GALM: variants seen among roughly 807,000 people sequenced by gnomAD.
The protein encoded by GALM is aldose 1-epimerase.
A neutral mutation model predicts 37.4 loss-of-function variants in GALM; 43 were observed. That is an observed-to-expected ratio of 1.15 (90% confidence interval 0.90 to 1.48). GALM has a LOEUF of 1.48. Ranked by LOEUF, GALM falls within the 40% of genes most tolerant of loss-of-function variation. GALM has a pLI of 0.00. For missense variants in GALM, 456 were observed against 419.1 expected (o/e 1.09, Z -0.77); for synonymous variants, 199 against 170.6 (o/e 1.17, Z -1.30).
chr2:38,673,075 C>T (rs1665153025), intron 1 of GALM, among the ~76,000 whole-genome samples: 1 of 152,140 alleles, frequency 6.6e-6, no homozygotes, highest in African/African-American at 2.4e-5. Flanking sequence ...CTCTGATGCA[C>T]CTGCAGATTA....
intron 4 of GALM, among the ~76,000 whole-genome samples, chr2:38,722,563 G>A (rs1274458131): frequency 1.3e-5 from 2 of 152,144 alleles, no homozygotes; most frequent in Non-Finnish European, 2.9e-5. Context: ...TCTCCCTGCC[G>A]ACACCCCTGG....
intron 5 of GALM, 129 bp downstream of exon 5, chr2:38,729,826 A>C: frequency 1.4e-6 from 1 of 721,100 alleles, no homozygotes; most frequent in Non-Finnish European, 2.3e-6. Context: ...ACCACATCCC[A>C]TATTTTCTCA....
chr2:38,726,417 G>A (rs111394336), intron 4 of GALM, among the ~76,000 whole-genome samples: 6,815 of 151,032 alleles, frequency 0.045, 510 homozygotes, highest in African/African-American at 0.15. Context: ...TAGTAGAGAC[G>A]GGTTTTCACC....
At chr2:38,726,882 G>A (rs979697441) in intron 4 of GALM, among the ~76,000 whole-genome samples, 10 of 82,208 alleles carry the variant, frequency 1.2e-4, no homozygotes, top group African/African-American at 4.1e-4. Flanking sequence ...GGCAACAAGA[G>A]CAAAACTCTG....
chr2:38,700,062 G>T (rs977589098), intron 4 of GALM, among the ~76,000 whole-genome samples: 1 of 151,840 alleles, frequency 6.6e-6, no homozygotes, highest in South Asian at 2.1e-4. Flanking sequence ...AGCAATTCTC[G>T]TGCCTCAGCC....
chr2:38,684,120 A>G (rs1415825213), intron 3 of GALM, among the ~76,000 whole-genome samples: 1 of 152,164 alleles, frequency 6.6e-6, no homozygotes, highest in Non-Finnish European at 1.5e-5. Context: ...TCAAAACCTG[A>G]TATTTAAATT....
intron 4 of GALM, among the ~76,000 whole-genome samples, chr2:38,705,701 AG>A (rs1666021512): frequency 6.6e-6 from 1 of 152,192 alleles, no homozygotes; most frequent in African/African-American, 2.4e-5. Context: ...ATCCACTCCC[AG>A]GGTCGTGCAT....
In GALM at chr2:38,705,914, G is replaced by A. The variant is rs370923106; in HGVS notation, c.634+16020G>A. 2.1e-3 allele frequency among the ~76,000 whole-genome samples: 323 copies of A among 151,868 alleles called. 8 individuals carry two copies. The South Asian group carries it at 0.05, about 23-fold the overall frequency. ...GTGCAGTGGCGCAACCTCCCCCTCC[G>A]GGTTCAGTGGTCCAACTTCCCGCTC... On this transcript the variant is annotated intron_variant, in intron 4 of 6. Transcript: ENST00000272252.
chr2:38,706,859 T>G (rs1364068938), intron 4 of GALM, among the ~76,000 whole-genome samples: 4 of 106,434 alleles, frequency 3.8e-5, no homozygotes, highest in South Asian at 3.5e-4. Flanking sequence ...TGAGACTCCA[T>G]CTCTTTAAAA....
intron 4 of GALM, among the ~76,000 whole-genome samples, chr2:38,693,876 C>A (rs1450582017): frequency 6.6e-6 from 1 of 152,164 alleles, no homozygotes; most frequent in Non-Finnish European, 1.5e-5. Context: ...ACAGATCTTA[C>A]AATGTGGTTA....
intron 4 of GALM, among the ~76,000 whole-genome samples, chr2:38,703,325 C>T (rs993297605): frequency 6.6e-6 from 1 of 150,752 alleles, no homozygotes; most frequent in African/African-American, 2.4e-5. Flanking sequence ...AGGCTGGTCT[C>T]TAATTCCCGA....
intron 4 of GALM, among the ~76,000 whole-genome samples, chr2:38,699,750 C>T (rs1285513204): frequency 6.6e-5 from 10 of 152,164 alleles, no homozygotes; most frequent in African/African-American, 2.4e-4. Flanking sequence ...AAGTTCACCT[C>T]GCTGTTGAGT....
At position 38,709,584 on chromosome 2, in the gene GALM, A is replaced by G. The variant is rs563055879; in HGVS notation, c.634+19690A>G. 2.6e-5 allele frequency among the ~76,000 whole-genome samples: 4 copies of G among 152,160 alleles called. No homozygotes were observed. The East Asian group carries it at 7.7e-4, about 29-fold the overall frequency. ...AAAAAAAAACATAAGACAAAAAGCC[A>G]GCAACAGAATAAAGCCGCAAACCCA... On this transcript the variant is annotated intron_variant, in intron 4 of 6. Transcript: ENST00000272252.
chr2:38,671,305 C>T (rs540008012), intron 1 of GALM: 121 of 152,306 alleles, frequency 7.9e-4, no homozygotes, highest in African/African-American at 2.9e-3. Flanking sequence ...TATAGAAGAA[C>T]TGCCTGAGAC....
intron 4 of GALM, among the ~76,000 whole-genome samples, chr2:38,699,203 C>T (rs572365964): frequency 5.9e-5 from 9 of 152,196 alleles, no homozygotes; most frequent in South Asian, 2.1e-4. Context: ...CATGAGCCAC[C>T]GTACCTGGCC....
intron 4 of GALM, among the ~76,000 whole-genome samples, chr2:38,724,013 G>A (rs1339647867): frequency 6.6e-6 from 1 of 151,826 alleles, no homozygotes; most frequent in African/African-American, 2.4e-5. Context: ...TCCACCTCCT[G>A]GTTCAAGCAA....
chr2:38,724,339 T>C (rs1666441915), intron 4 of GALM, among the ~76,000 whole-genome samples: 2 of 152,158 alleles, frequency 1.3e-5, no homozygotes, highest in African/African-American at 4.8e-5. Flanking sequence ...ATTCTAAGTA[T>C]AATGAGAACA....
intron 4 of GALM, among the ~76,000 whole-genome samples, chr2:38,724,326 T>G (rs924196435): frequency 2.0e-5 from 3 of 152,190 alleles, no homozygotes; most frequent in African/African-American, 7.2e-5. Context: ...TTGAGAAAAG[T>G]CTATTCTAAG....
chr2:38,688,740 C>T (rs1665600608), intron 3 of GALM, among the ~76,000 whole-genome samples: 1 of 152,178 alleles, frequency 6.6e-6, no homozygotes, highest in Non-Finnish European at 1.5e-5. Flanking sequence ...GATTTGCAAA[C>T]AACACAATGC....
Sources: allele counts gnomAD v4.1 joint callset (sites outside exome capture counted in the v4.1 genomes callset), GRCh38; gene constraint gnomAD v4.1.1; transcripts MANE v1.5; gene names NCBI Gene and HGNC (gene_info 2026-07-23, HGNC 2026-07-21).